The following OASL variants were observed in gnomAD, a reference collection of about 807,000 sequenced individuals.
The protein encoded by OASL is 2'-5'-oligoadenylate synthetase like.
Under a neutral mutation model 35.3 loss-of-function variants are expected in OASL, and 28 were observed. The ratio of observed to expected loss-of-function variants is 0.79; its 90% CI spans 0.59 to 1.09. The LOEUF is 1.09. Among genes scored for constraint, OASL ranks in the 50% least tolerant of loss-of-function variants. OASL has a pLI of 0.00. For missense variants in OASL, 620 were observed against 635.2 expected (o/e 0.98, Z 0.26); for synonymous variants, 252 against 254.6 (o/e 0.99, Z 0.10).
At chr12:121,029,916 T>C (rs373522083) in intron 3 of OASL, among the ~76,000 whole-genome samples, 34 of 152,212 alleles carry the variant, frequency 2.2e-4, no homozygotes, top group African/African-American at 7.9e-4. Context: ...TAAGCCTTAG[T>C]GAATAGATAA....
At chr12:121,034,784 C>T (rs1298090518) in intron 1 of OASL, among the ~76,000 whole-genome samples, 1 of 152,108 alleles carries the variant, frequency 6.6e-6, no homozygotes, top group Non-Finnish European at 1.5e-5. Flanking sequence ...ATAATGTATG[C>T]CAAGCGTTTG....
intron 3 of OASL, among the ~76,000 whole-genome samples, chr12:121,029,580 C>T (rs533878520): frequency 9.9e-5 from 15 of 151,784 alleles, no homozygotes; most frequent in East Asian, 9.7e-4. Context: ...CCCAGCTACT[C>T]GGGAGGTTGA....
chr12:121,027,063 G>A (rs530259747), intron 4 of OASL, among the ~76,000 whole-genome samples: 47 of 152,148 alleles, frequency 3.1e-4, no homozygotes, highest in Middle Eastern at 3.4e-3. Context: ...TGAATGGGAC[G>A]CTGACAGCAC....
rs530940445 is a variant in OASL at position 121,024,744 on chromosome 12, T to C, written c.900-607A>G. Among the ~76,000 whole-genome samples, 9 of 152,284 alleles carry C rather than the reference T, an allele frequency of 5.9e-5. No individual in the cohort carries two copies. In the South Asian group the frequency reaches 1.9e-3, roughly 32 times the overall value. ...GCCCTTTCAGGCAGGGGGGGCCCTG[T>C]ACCTTCGGAGCAGGTTTTGCAAGTT... On this transcript the variant is annotated intron_variant, in intron 4 of 5. Coordinates refer to ENST00000257570, the Ensembl canonical transcript of OASL.
At chr12:121,020,889 A>G in exon 6 of OASL, 2 of 1,614,202 alleles carry the variant, frequency 1.2e-6, no homozygotes, top group Non-Finnish European at 1.7e-6. Flanking sequence ...GCTGCTGAGA[A>G]GCTGCCTCTC....
exon 6 of OASL, chr12:121,020,416 T>G: frequency 8.0e-5 from 70 of 870,550 alleles, no homozygotes; most frequent in Non-Finnish European, 1.1e-4. Context: ...ATTACAGGTG[T>G]GAGCTACCAC....
At chr12:121,020,597 C>T (rs12819210) in exon 6 of OASL, 274,611 of 1,607,120 alleles carry the variant, frequency 0.17, 25,088 homozygotes, top group Non-Finnish European at 0.19. Flanking sequence ...CTTTCTTCTT[C>T]GAGAGGATGA....
intron 5 of OASL, chr12:121,023,594 G>A (rs560907579): frequency 7.8e-4 from 127 of 162,170 alleles, no homozygotes; most frequent in African/African-American, 2.5e-3. Context: ...CTGGCCGAGC[G>A]TCGTGGTCAT....
chr12:121,027,473 C>G, intron 4 of OASL, 103 bp downstream of exon 4: 2 of 1,520,530 alleles, frequency 1.3e-6, no homozygotes, highest in Non-Finnish European at 1.8e-6. Context: ...TGGTGGCAGC[C>G]TTACTGCTTA....
chr12:121,030,455 C>T (rs187164998), intron 3 of OASL, among the ~76,000 whole-genome samples: 114 of 152,284 alleles, frequency 7.5e-4, no homozygotes, highest in African/African-American at 2.6e-3. Flanking sequence ...CTGCCCACCT[C>T]GGCCTCCCAA....
chr12:121,021,973 C>T (rs1869255691), intron 5 of OASL, among the ~76,000 whole-genome samples: 1 of 152,038 alleles, frequency 6.6e-6, no homozygotes. Flanking sequence ...TGCAGTGGTG[C>T]AATCTTAACT....
At chr12:121,029,310 G>A (rs1465004491) in intron 3 of OASL, among the ~76,000 whole-genome samples, 1 of 151,700 alleles carries the variant, frequency 6.6e-6, no homozygotes, top group Non-Finnish European at 1.5e-5. Flanking sequence ...CCAAATAAAT[G>A]AAACCTTGGG....
At chr12:121,033,254 T>C (rs1869813414) in intron 2 of OASL, among the ~76,000 whole-genome samples, 1 of 152,154 alleles carries the variant, frequency 6.6e-6, no homozygotes, top group Admixed American at 6.6e-5. Flanking sequence ...TGCAATTCTT[T>C]GGTCAATTTC....
chr12:121,025,320 C>A (rs946725247), intron 4 of OASL, among the ~76,000 whole-genome samples: 4 of 152,128 alleles, frequency 2.6e-5, no homozygotes, highest in African/African-American at 9.7e-5. Context: ...GGGGCTCTTA[C>A]CCATCTACCT....
At chr12:121,018,413 C>T (rs1869110553), downstream of OASL, among the ~76,000 whole-genome samples, 1 of 151,992 alleles carries the variant, frequency 6.6e-6, no homozygotes, top group African/African-American at 2.4e-5. Context: ...ATCTTGCTGA[C>T]ACATGCTGCT....
chr12:121,018,869 C>CAA (rs1158102389), downstream of OASL, among the ~76,000 whole-genome samples: 642 of 54,630 alleles, frequency 0.012, 19 homozygotes, highest in African/African-American at 0.022. Context: ...GACTCCATCT[C>CAA]AAAAAAAAAA....
At chr12:121,027,445 G>A in intron 4 of OASL, 131 bp downstream of exon 4, 1 of 1,344,470 alleles carries the variant, frequency 7.4e-7, no homozygotes, top group Non-Finnish European at 1.0e-6. Flanking sequence ...GTTGGTGTGG[G>A]AGGTCGATGC....
At chr12:121,035,602 C>T (rs1446737117) in intron 1 of OASL, among the ~76,000 whole-genome samples, 1 of 152,102 alleles carries the variant, frequency 6.6e-6, no homozygotes, top group African/African-American at 2.4e-5. Context: ...CTCCAATGTA[C>T]AGATGAGAAG....
rs538993134 is a variant in OASL at position 121,032,548 on chromosome 12, G to A, written c.481+913C>T. 2.0e-5 allele frequency among the ~76,000 whole-genome samples: 3 copies of A among 152,282 alleles called. No homozygotes were observed. The East Asian group carries it at 5.8e-4, about 29-fold the overall frequency. ...AGCGTCCCACTTGGGATCCCGAAGA[G>A]GTTCGCTCCATAATGGGACTGTGAG... is the stretch of plus-strand genomic sequence containing the variant. On this transcript the variant is annotated intron_variant, in intron 2 of 5. Coordinates refer to ENST00000257570, the Ensembl canonical transcript of OASL.
Sources: gnomAD v4.1 joint callset for allele counts (sites outside exome capture counted in the v4.1 genomes callset) on GRCh38, gnomAD v4.1.1 for gene constraint, MANE v1.5 for transcripts, NCBI Gene and HGNC (gene_info 2026-07-23, HGNC 2026-07-21) for gene names.